The following BTG1 variants were observed in gnomAD, a reference collection of about 807,000 sequenced individuals.
BTG1 encodes the protein protein BTG1.
Under a neutral mutation model 15.2 loss-of-function variants are expected in BTG1, and 2 were observed. The observed-to-expected ratio is 0.13, with a 90% confidence interval of 0.05 to 0.41. The LOEUF (loss-of-function observed/expected upper bound fraction) is 0.41, where lower values mean the gene tolerates loss of function less well. Ranked by LOEUF, BTG1 falls within the 10% of genes least tolerant of loss-of-function variation. BTG1 has a pLI of 0.99. For synonymous variants in BTG1, 109 were observed against 82.4 expected (o/e 1.32, Z -1.75); for missense variants, 149 against 215.0 (o/e 0.69, Z 1.92).
rs1870440154 is a variant in BTG1 at position 92,144,338 on chromosome 12, C to G, written c.258G>C (p.Arg86=). The change falls in exon 2 of 2, where the codon CGG becomes CGC. Residue 86 remains arginine, a synonymous_variant. Transcript: ENST00000256015. ...ACAGCTCCTGACTGCTCAGTCCAAT[C>G]CGCTGTGCTGCCTGTCCAATCAGAG... is the stretch of plus-strand genomic sequence containing the variant. ...MDPLIGQAAQ[R]IGLSSQELFR... is the part of the protein sequence containing the mutation. 6.2e-7 allele frequency: 1 copy of G among 1,614,232 alleles called. No homozygotes were observed. Among genetic ancestry groups the G allele is most frequent in the Non-Finnish European group, 8.5e-7 (1 of 1,180,036 alleles).
Position 92,144,208 on chromosome 12 carries a change from C to T in BTG1, c.388G>A (p.Ala130Thr), listed in dbSNP as rs762539399. 1.2e-6 allele frequency: 2 copies of T among 1,614,192 alleles called. No individual in the cohort carries two copies. The highest frequency in any genetic ancestry group is 1.1e-5 in the South Asian group (1 of 91,082). ...SICVLYEASP[A>T]GGSTQNSTNV... ...GTGCTGTTTTGAGTGCTACCTCCTG[C>T]TGGTGAGGCTTCATACAGCACACAG... The change falls in exon 2 of 2, where the codon GCA becomes ACA. Residue 130 changes from alanine (A) to threonine (T), a missense_variant. Coordinates refer to ENST00000256015, the MANE Select transcript of BTG1 (RefSeq NM_001731.3).
rs141949793 is a variant in BTG1 at position 92,145,699 on chromosome 12, G to C, written c.-164C>G. 56 of 416,636 alleles carry C rather than the reference G, an allele frequency of 1.3e-4. No individual in the cohort carries two copies. The highest frequency in any genetic ancestry group is 1.1e-3 in the African/African-American group (51 of 48,116). 25.8% of individuals were successfully genotyped at this position (416,636 alleles called of 1,614,324 possible). On this transcript the variant is annotated 5_prime_UTR_variant, in exon 1 of 2. Transcript: ENST00000256015. The stretch of plus-strand genomic sequence containing the variant: ...GTCTTTCTTTCTTTAGACTAAAAAA[G>C]TTATTTTCGAGACAGGAGGCGGCAG...
chr12:92,144,875 G>A (rs28399539), intron 1 of BTG1, among the ~76,000 whole-genome samples: 1 of 152,224 alleles, frequency 6.6e-6, no homozygotes, highest in Admixed American at 6.5e-5. Flanking sequence ...ACCACGCTCT[G>A]GGCAGGGCTG....
At position 92,141,874 on chromosome 12, in the gene BTG1, T is replaced by G. The variant is rs1344759571; in HGVS notation, c.*2206A>C. On this transcript the variant is annotated 3_prime_UTR_variant, in exon 2 of 2. Coordinates refer to ENST00000256015, the MANE Select transcript of BTG1 (RefSeq NM_001731.3). ...GATGTCAAGATCTTCAAAAACAACTTTCCATTTGAAAAAAGGCTTTATGAT... is the reference window on the plus strand; with the variant it reads ...GATGTCAAGATCTTCAAAAACAACTGTCCATTTGAAAAAAGGCTTTATGAT... The G allele has an allele frequency of 4.3e-6, 1 of 232,368 alleles. No homozygotes were observed. Among genetic ancestry groups the G allele is most frequent in the Non-Finnish European group, 8.5e-6 (1 of 117,600 alleles). 14.4% of individuals were successfully genotyped at this position (232,368 alleles called of 1,614,324 possible).
chr12:92,145,822 G>A lies in BTG1; in HGVS notation c.-287C>T, dbSNP rs28399533. ...TCCGCAGCATTCGAAGATCTCAATA[G>A]CTGCATTTCCAGCTCCGAGAGGCGA... On this transcript the variant is annotated 5_prime_UTR_variant, in exon 1 of 2. Coordinates refer to ENST00000256015, the MANE Select transcript of BTG1 (RefSeq NM_001731.3). 4 of 246,638 alleles carry A rather than the reference G, an allele frequency of 1.6e-5. No homozygotes were observed. The highest frequency in any genetic ancestry group is 3.1e-5 in the Non-Finnish European group (4 of 128,176). The allele number at this position is 246,638 out of a possible 1,614,324, so 15.3% of individuals were successfully genotyped here. A position where few individuals can be genotyped will look rare whatever the true frequency, so the allele number is the denominator to read the frequency against.
chr12:92,141,659 C>G lies in BTG1; in HGVS notation c.*2421G>C. 4.3e-6 allele frequency: 1 copy of G among 231,876 alleles called. No homozygotes were observed. Among genetic ancestry groups the G allele is most frequent in the Non-Finnish European group, 8.5e-6 (1 of 117,198 alleles). The allele number at this position is 231,876 out of a possible 1,614,324, so 14.4% of individuals were successfully genotyped here. A position where few individuals can be genotyped will look rare whatever the true frequency, so the allele number is the denominator to read the frequency against. ...ACAAACAGCTACTGTACCGCAGATA[C>G]AGGTTCAGCTCAATTGTCTGGGGAA... On this transcript the variant is annotated 3_prime_UTR_variant, in exon 2 of 2. Transcript: ENST00000256015.
Position 92,144,218 on chromosome 12 carries a change from T to C in BTG1, c.378A>G (p.Glu126=). 1 of 1,614,218 alleles carries C rather than the reference T, an allele frequency of 6.2e-7. No homozygotes were observed. The highest frequency in any genetic ancestry group is 8.5e-7 in the Non-Finnish European group (1 of 1,180,046). ...GEDGSICVLY[E]ASPAGGSTQN... is the part of the protein sequence containing the mutation. ...GAGTGCTACCTCCTGCTGGTGAGGC[T>C]TCATACAGCACACAGATGGAGCCAT... Residue 126 remains glutamate, a synonymous_variant, in exon 2 of 2, where the codon GAA becomes GAG. Transcript: ENST00000256015.
rs1456408270 is a variant in BTG1 at position 92,140,746 on chromosome 12, T to TA, written c.*3333dup. On this transcript the variant is annotated 3_prime_UTR_variant, in exon 2 of 2. Transcript: ENST00000256015. ...AAGTTCAGTGGCAGAGACTGAGAGA[T>TA]AAGTCTAAAATGTTGGCAGTCTGTA... The TA allele has an allele frequency of 4.3e-6, 1 of 232,274 alleles. No individual in the cohort carries two copies. The highest frequency in any genetic ancestry group is 5.6e-5 in the Admixed American group (1 of 17,760). The allele number at this position is 232,274 out of a possible 1,614,324, so 14.4% of individuals were successfully genotyped here. A position where few individuals can be genotyped will look rare whatever the true frequency, so the allele number is the denominator to read the frequency against.
intron 1 of BTG1, among the ~76,000 whole-genome samples, 199 bp from the exon 2 acceptor site, chr12:92,144,646 G>C (rs1435153053): frequency 1.3e-5 from 2 of 152,142 alleles, no homozygotes; most frequent in African/African-American, 4.8e-5. Flanking sequence ...AGTAGTACCG[G>C]ACAAAACAAT....
chr12:92,145,360 G>C (rs1300798464), intron 1 of BTG1, 28 bp downstream of exon 1: 1 of 1,521,550 alleles, frequency 6.6e-7, no homozygotes, highest in Non-Finnish European at 8.8e-7. Context: ...TGGGGCCCGC[G>C]TCCCTCCGAC....
chr12:92,144,326 G>A lies in BTG1; in HGVS notation c.270C>T (p.Ser90=), dbSNP rs150207537. Residue 90 remains serine, a synonymous_variant, in exon 2 of 2, where the codon AGC becomes AGT. Transcript: ENST00000256015. ...GGAGAAGCCTGAACAGCTCCTGACT[G>A]CTCAGTCCAATCCGCTGTGCTGCCT... The part of the protein sequence containing the change: ...IGQAAQRIGL[S]SQELFRLLPS... 1.9e-6 allele frequency: 3 copies of A among 1,614,214 alleles called. No homozygotes were observed. In the South Asian group the frequency reaches 3.3e-5, roughly 18 times the overall value.
chr12:92,145,549 G>A lies in BTG1; in HGVS notation c.-14C>T. 3 of 1,469,924 alleles carry A rather than the reference G, an allele frequency of 2.0e-6. No homozygotes were observed. In the South Asian group the frequency reaches 4.3e-5, roughly 21 times the overall value. The allele number at this position is 1,469,924 out of a possible 1,614,324, so 91.1% of individuals were successfully genotyped here. On this transcript the variant is annotated 5_prime_UTR_variant, in exon 1 of 2. Transcript: ENST00000256015. ...GAAGGGATGCATGGGGGCGGCGTGC[G>A]GGGGCGGCCCGGGGCGGCTGGGGCT... is the stretch of plus-strand genomic sequence containing the variant.
intron 1 of BTG1, 98 bp from the exon 2 acceptor site, chr12:92,144,545 AAACT>A (rs1456804519): frequency 8.0e-6 from 12 of 1,492,156 alleles, no homozygotes; most frequent in Non-Finnish European, 1.1e-5. Context: ...GCGAAAATGA[AAACT>A]ATCAACTTTT....
rs78412933 is a variant in BTG1 at position 92,143,721 on chromosome 12, C to T, written c.*359G>A. 3.2e-4 allele frequency: 91 copies of T among 283,878 alleles called. 1 individual carries two copies. The highest frequency in any genetic ancestry group is 1.9e-3 in the African/African-American group (89 of 45,924). The allele number at this position is 283,878 out of a possible 1,614,324, so 17.6% of individuals were successfully genotyped here. The stretch of plus-strand genomic sequence containing the variant: ...CTTTCAAGTGTAATAGTGCAAATTC[C>T]CCTGCGAGATTTACTGCAGAGAAAG... On this transcript the variant is annotated 3_prime_UTR_variant, in exon 2 of 2. Coordinates refer to ENST00000256015, the MANE Select transcript of BTG1 (RefSeq NM_001731.3).
intron 1 of BTG1, chr12:92,145,098 G>A (rs1349660672): frequency 7.7e-6 from 2 of 259,384 alleles, no homozygotes; most frequent in African/African-American, 2.2e-5. Flanking sequence ...ATCCGCCGAC[G>A]GTCCTCGGAC....
Position 92,145,628 on chromosome 12 carries a change from G to A in BTG1, c.-93C>T. On this transcript the variant is annotated 5_prime_UTR_variant, in exon 1 of 2. Coordinates refer to ENST00000256015, the MANE Select transcript of BTG1 (RefSeq NM_001731.3). ...CCACCCCGGGCTTCCTCACCGGGCGGAAGGCTGAGAGGAAGAGAGGGCGTG... is the reference window on the plus strand; with the variant it reads ...CCACCCCGGGCTTCCTCACCGGGCGAAAGGCTGAGAGGAAGAGAGGGCGTG... 1 of 929,952 alleles carries A rather than the reference G, an allele frequency of 1.1e-6. No homozygotes were observed. The highest frequency in any genetic ancestry group is 3.4e-5 in the East Asian group (1 of 29,352). 57.6% of individuals were successfully genotyped at this position (929,952 alleles called of 1,614,324 possible). A position where few individuals can be genotyped will look rare whatever the true frequency, so the allele number is the denominator to read the frequency against.
At chr12:92,144,942 A>C (rs990674805) in intron 1 of BTG1, 1 of 196,622 alleles carries the variant, frequency 5.1e-6, no homozygotes, top group African/African-American at 2.4e-5. Context: ...AGGCGCGGGG[A>C]GACGGCACGT....
At chr12:92,144,603 T>C (rs1317358715) in intron 1 of BTG1, among the ~76,000 whole-genome samples, 156 bp from the exon 2 acceptor site, 2 of 152,038 alleles carry the variant, frequency 1.3e-5, no homozygotes, top group Non-Finnish European at 2.9e-5. Context: ...TGTGCGGGGA[T>C]GGAAAAAGCG....
At position 92,145,370 on chromosome 12, in the gene BTG1, C is replaced by T. The variant is rs201731700; in HGVS notation, c.148+18G>A. ...GGATGTGGGGCCCGCGTCCCTCCGA[C>T]GCCCTCGCCCTGCTCACCTGCCAGC... is the stretch of plus-strand genomic sequence containing the variant. On this transcript the variant is annotated intron_variant, in intron 1 of 1. Transcript: ENST00000256015. 467 of 1,532,522 alleles carry T rather than the reference C, an allele frequency of 3.0e-4. 1 individual carries two copies. In the African/African-American group the frequency reaches 3.4e-3, roughly 11 times the overall value. 94.9% of individuals were successfully genotyped at this position (1,532,522 alleles called of 1,614,324 possible).
Sources: gnomAD v4.1 joint callset for allele counts (sites outside exome capture counted in the v4.1 genomes callset) on GRCh38, gnomAD v4.1.1 for gene constraint, MANE v1.5 for transcripts, NCBI Gene and HGNC (gene_info 2026-07-23, HGNC 2026-07-21) for gene names.